The following MIDEAS variants were observed in gnomAD, a reference collection of about 807,000 sequenced individuals.
MIDEAS encodes the protein mitotic deacetylase-associated SANT domain protein.
Under a neutral mutation model 102.7 loss-of-function variants are expected in MIDEAS, and 26 were observed. That is an observed-to-expected ratio of 0.25 (90% CI 0.19 to 0.35). MIDEAS has a LOEUF of 0.35. Ranked by LOEUF, MIDEAS falls within the 10% of genes least tolerant of loss-of-function variation. The pLI, the probability that MIDEAS is intolerant of heterozygous loss-of-function variation, is 1.00. For missense variants in MIDEAS, 1,231 were observed against 1,435.6 expected (o/e 0.86, Z 2.30); for synonymous variants, 585 against 591.0 (o/e 0.99, Z 0.15).
intron 3 of MIDEAS, among the ~76,000 whole-genome samples, chr14:73,733,079 C>A (rs904166815): frequency 6.6e-6 from 1 of 151,308 alleles, no homozygotes; most frequent in South Asian, 2.1e-4. Flanking sequence ...GCCACAAGGG[C>A]GAAACCCCGT....
chr14:73,747,860 G>A (rs1177943068), intron 1 of MIDEAS, among the ~76,000 whole-genome samples: 1 of 152,162 alleles, frequency 6.6e-6, no homozygotes, highest in Non-Finnish European at 1.5e-5. Flanking sequence ...ACCTGTCAGA[G>A]TGCTATGGCC....
In MIDEAS at chr14:73,737,074, G is replaced by A. The variant is rs1221738915; in HGVS notation, c.1673C>T (p.Pro558Leu). ...GATGACTGATGGCTTGTGCTCAGCA[G>A]GGTTCTGTTCAGGACCCTTCCCGTC... ...DEDGKGPEQNPAEHKPSVIVT... is the reference protein window; with the variant it reads ...DEDGKGPEQNLAEHKPSVIVT... Residue 558 changes from proline (P) to leucine (L), a missense_variant, in exon 3 of 13, where the codon CCT (proline) becomes CTT (leucine). This residue lies in a region of MIDEAS where 758 missense variants were observed against 856.0 expected (regional missense o/e 0.89). Transcript: ENST00000423556. The A allele has an allele frequency of 6.2e-7, 1 of 1,614,198 alleles. No individual in the cohort carries two copies. Among genetic ancestry groups the A allele is most frequent in the East Asian group, 2.2e-5 (1 of 44,876 alleles).
chr14:73,727,002 G>T (rs372921747), intron 5 of MIDEAS, 30 bp from the exon 6 acceptor site: 189 of 1,562,232 alleles, frequency 1.2e-4, no homozygotes, highest in Middle Eastern at 1.0e-3. Flanking sequence ...AGGAAGTGAG[G>T]CCTCACCTTG....
intron 4 of MIDEAS, chr14:73,727,820 GATT>G (rs774385707): frequency 1.2e-5 from 4 of 333,554 alleles, no homozygotes; most frequent in Non-Finnish European, 2.2e-5. Context: ...ACTCGATAAA[GATT>G]ATTATTACTG....
At chr14:73,721,218 G>T in intron 11 of MIDEAS, 79 bp downstream of exon 11, 2 of 1,355,024 alleles carry the variant, frequency 1.5e-6, no homozygotes, top group Non-Finnish European at 2.1e-6. Flanking sequence ...TCACAGTCCT[G>T]CTCTACCCTC....
chr14:73,771,620 G>A (rs1411935337), intron 1 of MIDEAS, among the ~76,000 whole-genome samples: 6 of 152,228 alleles, frequency 3.9e-5, no homozygotes, highest in Admixed American at 3.3e-4. Context: ...ACAGAGATAT[G>A]AGAAGGTGCT....
At chr14:73,728,269 A>G (rs1478847260) in intron 4 of MIDEAS, 1 of 151,778 alleles carries the variant, frequency 6.6e-6, no homozygotes, top group African/African-American at 2.4e-5. Context: ...AAAAAAAAAA[A>G]AAAAAATCTT....
In MIDEAS at chr14:73,759,267, C is replaced by CCTT. The variant is rs1252015911; in HGVS notation, c.-248+495_-248+496insAAG. Among the ~76,000 whole-genome samples the CCTT allele has an allele frequency of 2.0e-5, 3 of 152,192 alleles. No individual in the cohort carries two copies. The highest frequency in any genetic ancestry group is 7.2e-5 in the African/African-American group (3 of 41,464). On this transcript the variant is annotated intron_variant, in intron 1 of 12. Transcript: ENST00000423556. The surrounding 1 kb of genome is among the most constrained non-coding windows in gnomAD (Gnocchi z 6.7). Reference sequence around the variant, plus strand: ...GCTGGCAGGGGAAGGGGCTCCCGCGCCAAGTTCCCTCAGCTGGCTAGCCCC... The same window carrying CCTT: ...GCTGGCAGGGGAAGGGGCTCCCGCGCCTTCAAGTTCCCTCAGCTGGCTAGCCCC...
intron 2 of MIDEAS, among the ~76,000 whole-genome samples, chr14:73,737,933 T>C (rs10135344): frequency 0.82 from 124,460 of 151,690 alleles, 51,650 homozygotes; most frequent in African/African-American, 0.94. Context: ...AGGCGTGCAG[T>C]ACCACACCTG....
intron 1 of MIDEAS, among the ~76,000 whole-genome samples, chr14:73,778,549 C>G (rs578163889): frequency 2.6e-5 from 4 of 151,820 alleles, no homozygotes; most frequent in African/African-American, 9.7e-5. Flanking sequence ...AGGGGGTCAC[C>G]GAGTGGCTAT....
chr14:73,726,212 C>G, intron 7 of MIDEAS, 104 bp from the exon 8 acceptor site: 3 of 939,750 alleles, frequency 3.2e-6, no homozygotes, highest in Non-Finnish European at 5.0e-6. Flanking sequence ...GACACTTACT[C>G]TTGCCCCCTT....
intron 1 of MIDEAS, among the ~76,000 whole-genome samples, chr14:73,780,173 C>T (rs2053741826): frequency 1.3e-5 from 2 of 148,848 alleles, no homozygotes; most frequent in Admixed American, 6.7e-5. Flanking sequence ...CGCGCCCGGC[C>T]GATTATATTT....
intron 1 of MIDEAS, among the ~76,000 whole-genome samples, chr14:73,753,276 A>G (rs1566600124): frequency 6.6e-6 from 1 of 152,104 alleles, no homozygotes; most frequent in Non-Finnish European, 1.5e-5. Context: ...AGCCCAAGAT[A>G]TCTCCCCTAC....
intron 9 of MIDEAS, 91 bp from the exon 10 acceptor site, chr14:73,722,938 C>A: frequency 6.7e-7 from 1 of 1,486,858 alleles, no homozygotes; most frequent in Non-Finnish European, 9.1e-7. Context: ...GCATCTTTCC[C>A]TTAACTTCAA....
chr14:73,719,255 C>T, intron 12 of MIDEAS, 50 bp downstream of exon 12: 2 of 1,568,958 alleles, frequency 1.3e-6, no homozygotes, highest in Non-Finnish European at 1.7e-6. Context: ...CCGCCCCCTC[C>T]GCGCACCAGC....
At chr14:73,769,117 C>T (rs551963436) in intron 1 of MIDEAS, among the ~76,000 whole-genome samples, 2 of 152,230 alleles carry the variant, frequency 1.3e-5, no homozygotes, top group Admixed American at 1.3e-4. Context: ...GGGTCTCCCT[C>T]GCATCTACCT....
At chr14:73,752,179 C>T (rs187843711) in intron 1 of MIDEAS, among the ~76,000 whole-genome samples, 3 of 152,170 alleles carry the variant, frequency 2.0e-5, no homozygotes, top group Non-Finnish European at 4.4e-5. Flanking sequence ...GGTGCCCACT[C>T]ACTCCAAAGA....
At chr14:73,776,400 T>C (rs1029992301) in intron 1 of MIDEAS, among the ~76,000 whole-genome samples, 1 of 151,892 alleles carries the variant, frequency 6.6e-6, no homozygotes, top group Non-Finnish European at 1.5e-5. Flanking sequence ...GATGTGGATG[T>C]TGGCCAGGTA....
intron 1 of MIDEAS, among the ~76,000 whole-genome samples, chr14:73,743,218 C>T (rs1266706994): frequency 2.0e-5 from 3 of 152,154 alleles, no homozygotes; most frequent in East Asian, 1.9e-4. Flanking sequence ...ATTTTCTAGA[C>T]ACAGATATCA....
Sources: allele counts gnomAD v4.1 joint callset (sites outside exome capture counted in the v4.1 genomes callset), GRCh38; gene constraint gnomAD v4.1.1; regional missense constraint gnomAD v4.1.1; non-coding constraint Gnocchi (gnomAD v3.1); transcripts MANE v1.5; gene names NCBI Gene and HGNC (gene_info 2026-07-23, HGNC 2026-07-21).